The following CDKAL1 variants were observed in gnomAD, a reference collection of about 807,000 sequenced individuals.
CDKAL1 encodes the protein threonylcarbamoyladenosine tRNA methylthiotransferase.
A neutral mutation model predicts 68.2 loss-of-function variants in CDKAL1; 32 were observed. The observed-to-expected ratio is 0.47, with a 90% CI of 0.35 to 0.63. The LOEUF is 0.63. Among genes scored for constraint, CDKAL1 ranks in the 30% least tolerant of loss-of-function variants. The pLI is 0.00. For synonymous variants in CDKAL1, 234 were observed against 244.3 expected, an observed-to-expected ratio of 0.96 and a Z score of 0.39; for missense variants, 606 against 696.7, an observed-to-expected ratio of 0.87 and a Z score of 1.47.
intron 13 of CDKAL1, among the ~76,000 whole-genome samples, chr6:21,185,157 C>A (rs1370363125): frequency 3.3e-5 from 5 of 151,470 alleles, no homozygotes; most frequent in African/African-American, 1.2e-4. Flanking sequence ...CCTAGAACAA[C>A]TTGCAGACAT....
chr6:20,688,418 T>C (rs893666101), intron 5 of CDKAL1, among the ~76,000 whole-genome samples: 1 of 151,748 alleles, frequency 6.6e-6, no homozygotes, highest in African/African-American at 2.4e-5. Flanking sequence ...TGTTGAGAGG[T>C]TTCTTTCGTT....
At chr6:20,687,193 G>A (rs993460534) in intron 5 of CDKAL1, among the ~76,000 whole-genome samples, 2 of 152,066 alleles carry the variant, frequency 1.3e-5, no homozygotes, top group Admixed American at 1.3e-4. Context: ...GCTGACCTCA[G>A]AATGAGTTAG....
At chr6:21,225,655 CT>C (rs1289131650) in intron 15 of CDKAL1, among the ~76,000 whole-genome samples, 1 of 152,136 alleles carries the variant, frequency 6.6e-6, no homozygotes, top group African/African-American at 2.4e-5. Context: ...TTTAAACTAC[CT>C]GCCTAAGATC....
intron 5 of CDKAL1, among the ~76,000 whole-genome samples, chr6:20,693,744 C>T (rs180992971): frequency 2.0e-5 from 3 of 152,296 alleles, no homozygotes; most frequent in African/African-American, 7.2e-5. Context: ...TGAAGTAATA[C>T]TAAAAGCTTT....
intron 10 of CDKAL1, among the ~76,000 whole-genome samples, chr6:20,962,357 G>A (rs576605140): frequency 2.0e-5 from 3 of 152,140 alleles, no homozygotes; most frequent in East Asian, 1.9e-4. Context: ...TTTAATCACC[G>A]TAACAAATCA....
At chr6:20,860,627 C>T (rs968670883) in intron 9 of CDKAL1, among the ~76,000 whole-genome samples, 4 of 151,890 alleles carry the variant, frequency 2.6e-5, no homozygotes, top group Non-Finnish European at 2.9e-5. Context: ...AGATCGAGAC[C>T]ATCGTGGCCA....
intron 4 of CDKAL1, among the ~76,000 whole-genome samples, chr6:20,640,340 G>C (rs1768114463): frequency 6.6e-6 from 1 of 152,168 alleles, no homozygotes; most frequent in Admixed American, 6.5e-5. Context: ...TTTTCAAATG[G>C]AACTGTTGTG....
intron 14 of CDKAL1, 26 bp from the exon 15 acceptor site, chr6:21,201,084 A>C (rs780322828): frequency 3.2e-6 from 5 of 1,574,702 alleles, no homozygotes. Flanking sequence ...TTTAAAAATT[A>C]AGCCTCTGAA....
intron 9 of CDKAL1, among the ~76,000 whole-genome samples, chr6:20,917,566 T>C (rs1164893620): frequency 6.6e-6 from 1 of 152,200 alleles, no homozygotes; most frequent in Non-Finnish European, 1.5e-5. Context: ...TTTGGTTATA[T>C]GAATAAGCTC....
intron 4 of CDKAL1, among the ~76,000 whole-genome samples, chr6:20,553,010 A>G (rs759165098): frequency 1.3e-4 from 20 of 152,196 alleles, no homozygotes; most frequent in Admixed American, 3.9e-4. Flanking sequence ...TAAAATATTA[A>G]ATGTATAACA....
chr6:20,785,875 G>A (rs1315068119), intron 8 of CDKAL1, among the ~76,000 whole-genome samples: 1 of 152,214 alleles, frequency 6.6e-6, no homozygotes, highest in South Asian at 2.1e-4. Flanking sequence ...GTTACTATTA[G>A]AACCATTAGA....
chr6:20,844,707 AAAAC>A (rs142784970), intron 8 of CDKAL1, among the ~76,000 whole-genome samples: 86,930 of 150,766 alleles, frequency 0.58, 26,190 homozygotes, highest in Non-Finnish European at 0.67. Flanking sequence ...AAGAAACAGA[AAAAC>A]AAAAACAAAA....
chr6:20,766,905 A>C (rs1485150245), intron 7 of CDKAL1, among the ~76,000 whole-genome samples: 1 of 152,184 alleles, frequency 6.6e-6, no homozygotes, highest in Non-Finnish European at 1.5e-5. Context: ...ATTTAGTGAA[A>C]AAGAAAAATA....
intron 4 of CDKAL1, among the ~76,000 whole-genome samples, chr6:20,550,635 T>G (rs1454322203): frequency 6.6e-6 from 1 of 151,996 alleles, no homozygotes; most frequent in Non-Finnish European, 1.5e-5. Context: ...TGTTGTGAGG[T>G]CCTCTTGGGG....
At chr6:21,157,805 A>C (rs1582321353) in intron 13 of CDKAL1, among the ~76,000 whole-genome samples, 1 of 152,328 alleles carries the variant, frequency 6.6e-6, no homozygotes, top group Non-Finnish European at 1.5e-5. Context: ...GCCCAGAGGG[A>C]CTGTGATTTC....
At chr6:20,784,470 C>G (rs1775583393) in intron 8 of CDKAL1, among the ~76,000 whole-genome samples, 1 of 107,068 alleles carries the variant, frequency 9.3e-6, no homozygotes. Context: ...GTCACCCAGG[C>G]TGGAGTGCAG....
At chr6:20,844,847 TAA>T (rs745559948) in intron 8 of CDKAL1, among the ~76,000 whole-genome samples, 53 of 152,140 alleles carry the variant, frequency 3.5e-4, no homozygotes, top group Non-Finnish European at 1.3e-4. Flanking sequence ...GCAGAATATG[TAA>T]AGAGAAGACA....
At chr6:20,849,109 C>T (rs1250523926) in intron 9 of CDKAL1, among the ~76,000 whole-genome samples, 2 of 151,734 alleles carry the variant, frequency 1.3e-5, no homozygotes, top group Non-Finnish European at 2.9e-5. Context: ...TCCTCAAGTA[C>T]TTGGTGCTTT....
chr6:20,779,249 T>G (rs1343969096), intron 7 of CDKAL1, among the ~76,000 whole-genome samples: 2 of 152,182 alleles, frequency 1.3e-5, no homozygotes, highest in African/African-American at 4.8e-5. Context: ...ATGTTAAACA[T>G]AAATTTACCA....
Sources: gnomAD v4.1 joint callset for allele counts (sites outside exome capture counted in the v4.1 genomes callset) on GRCh38, gnomAD v4.1.1 for gene constraint, MANE v1.5 for transcripts, NCBI Gene and HGNC (gene_info 2026-07-23, HGNC 2026-07-21) for gene names.